The following YEATS4 variants were observed in gnomAD, a reference collection of about 807,000 sequenced individuals.
YEATS4 encodes YEATS domain containing 4, also known as YEATS domain-containing protein 4.
A neutral mutation model predicts 30.1 loss-of-function variants in YEATS4; 17 were observed. The ratio of observed to expected loss-of-function variants is 0.56; its 90% CI spans 0.39 to 0.85. The LOEUF (loss-of-function observed/expected upper bound fraction) is 0.85. Ranked by LOEUF, YEATS4 falls within the 40% of genes least tolerant of loss-of-function variation. The pLI, the probability that YEATS4 is intolerant of heterozygous loss-of-function variation, is 0.00. For missense variants in YEATS4, 142 were observed against 268.3 expected (o/e 0.53, Z 3.29); for synonymous variants, 85 against 87.5 (o/e 0.97, Z 0.16).
At chr12:69,399,149 C>A in the YEATS4 span, among the ~76,000 whole-genome samples, 4 of 151,360 alleles carry the variant, frequency 2.6e-5, no homozygotes, top group Non-Finnish European at 4.4e-5. Flanking sequence ...TCCGTCCCCC[C>A]CAAAAAAACA....
At chr12:69,413,941 C>T in the YEATS4 span, among the ~76,000 whole-genome samples, 2 of 152,018 alleles carry the variant, frequency 1.3e-5, no homozygotes, top group Non-Finnish European at 2.9e-5. Context: ...CTTACATTTC[C>T]ATCAAAGGGC....
chr12:69,388,583 C>A (rs1405549954), intron 6 of YEATS4, among the ~76,000 whole-genome samples: 1 of 152,146 alleles, frequency 6.6e-6, no homozygotes, highest in East Asian at 1.9e-4. Flanking sequence ...AAATGTTAGA[C>A]ACAAGCAGAT....
chr12:69,409,163 G>T, the YEATS4 span, among the ~76,000 whole-genome samples: 4 of 152,168 alleles, frequency 2.6e-5, no homozygotes, highest in African/African-American at 9.7e-5. Flanking sequence ...CACTGGCTTT[G>T]TGATCACAGG....
the YEATS4 span, among the ~76,000 whole-genome samples, chr12:69,413,574 G>A: frequency 7.3e-6 from 1 of 137,690 alleles, no homozygotes; most frequent in Non-Finnish European, 1.5e-5. Flanking sequence ...ATATGAGGCT[G>A]GGCACAGTGA....
chr12:69,384,199 CATT>C (rs1876183817), intron 6 of YEATS4, among the ~76,000 whole-genome samples: 1 of 152,174 alleles, frequency 6.6e-6, no homozygotes, highest in African/African-American at 2.4e-5. Flanking sequence ...TACTGTGCTT[CATT>C]ATTGATCACT....
In YEATS4 at chr12:69,365,615, T is replaced by C; in HGVS notation, c.172-18T>C. The C allele has an allele frequency of 6.4e-7, 1 of 1,568,622 alleles. No individual in the cohort carries two copies. Among genetic ancestry groups the C allele is most frequent in the Non-Finnish European group, 8.8e-7 (1 of 1,141,950 alleles). ...TTCATTTGTAGATCATAAAACTAACTAATTCCTTATATTTTAGGATATGTC... is the reference window on the plus strand; with the variant it reads ...TTCATTTGTAGATCATAAAACTAACCAATTCCTTATATTTTAGGATATGTC... On this transcript the variant is annotated intron_variant, in intron 2 of 6. Transcript: ENST00000247843.
chr12:69,370,263 A>G (rs1374420794), intron 4 of YEATS4, among the ~76,000 whole-genome samples: 1 of 152,186 alleles, frequency 6.6e-6, no homozygotes, highest in Non-Finnish European at 1.5e-5. Context: ...TCATTTATGT[A>G]ATAATCTTAT....
the YEATS4 span, among the ~76,000 whole-genome samples, chr12:69,425,892 C>T: frequency 6.8e-3 from 1,040 of 152,318 alleles, 12 homozygotes; most frequent in African/African-American, 0.024. Flanking sequence ...TTCTCCATCC[C>T]TGACTGACTT....
chr12:69,424,914 T>G, the YEATS4 span, among the ~76,000 whole-genome samples: 2 of 151,836 alleles, frequency 1.3e-5, no homozygotes. Context: ...TATATATTTA[T>G]TATTTATTTA....
At chr12:69,377,172 A>G (rs934792943) in intron 6 of YEATS4, among the ~76,000 whole-genome samples, 1 of 151,740 alleles carries the variant, frequency 6.6e-6, no homozygotes, top group Admixed American at 6.6e-5. Context: ...CTTCATTTCA[A>G]TTTTATTTAT....
At chr12:69,366,035 A>C (rs1875415259) in intron 4 of YEATS4, 151 bp downstream of exon 4, 1 of 551,784 alleles carries the variant, frequency 1.8e-6, no homozygotes, top group South Asian at 4.6e-5. Flanking sequence ...TTCATTTTTA[A>C]ATGTAGCGCC....
the YEATS4 span, among the ~76,000 whole-genome samples, chr12:69,408,319 A>T: frequency 1.4e-4 from 21 of 152,300 alleles, no homozygotes; most frequent in Non-Finnish European, 2.6e-4. Context: ...CTAATTTCTC[A>T]TTTTTATAGA....
intron 2 of YEATS4, chr12:69,364,125 T>C: frequency 2.3e-6 from 1 of 434,406 alleles, no homozygotes; most frequent in East Asian, 7.9e-5. Flanking sequence ...TGTTCTAAAA[T>C]TGTAGTGATT....
intron 4 of YEATS4, among the ~76,000 whole-genome samples, chr12:69,368,238 A>G (rs1309636640): frequency 6.6e-6 from 1 of 152,194 alleles, no homozygotes; most frequent in Admixed American, 6.5e-5. Context: ...ACAACTTGTG[A>G]TTTACTTCTG....
intron 6 of YEATS4, among the ~76,000 whole-genome samples, chr12:69,382,201 A>G (rs945374250): frequency 6.6e-6 from 1 of 152,228 alleles, no homozygotes; most frequent in African/African-American, 2.4e-5. Flanking sequence ...GCGATGTTCG[A>G]GACTCACCAC....
the YEATS4 span, among the ~76,000 whole-genome samples, chr12:69,401,411 G>A: frequency 6.6e-6 from 1 of 152,198 alleles, no homozygotes; most frequent in Admixed American, 6.5e-5. Context: ...ACTGGAGCTG[G>A]TGTTGGGGAG....
At chr12:69,411,850 G>A in the YEATS4 span, among the ~76,000 whole-genome samples, 3 of 152,238 alleles carry the variant, frequency 2.0e-5, no homozygotes, top group Non-Finnish European at 4.4e-5. Flanking sequence ...CAATGTGGCC[G>A]ATGCCAAGTG....
At chr12:69,389,702 G>A (rs1164797836) in intron 6 of YEATS4, among the ~76,000 whole-genome samples, 5 of 151,830 alleles carry the variant, frequency 3.3e-5, no homozygotes, top group Non-Finnish European at 5.9e-5. Context: ...TGATAGAGAC[G>A]AGGTTTTGCT....
At chr12:69,376,361 C>T (rs1875873178) in intron 6 of YEATS4, among the ~76,000 whole-genome samples, 1 of 152,164 alleles carries the variant, frequency 6.6e-6, no homozygotes, top group Non-Finnish European at 1.5e-5. Context: ...GTGAGACTCT[C>T]TCTCAGAATA....
Sources: allele counts gnomAD v4.1 joint callset (sites outside exome capture counted in the v4.1 genomes callset), GRCh38; gene constraint gnomAD v4.1.1; transcripts MANE v1.5; gene names NCBI Gene and HGNC (gene_info 2026-07-23, HGNC 2026-07-21).